BIVM: variants seen among roughly 807,000 people sequenced by gnomAD.
The protein encoded by BIVM is basic, immunoglobulin-like variable motif containing.
BIVM carries 31 observed loss-of-function variants against 61.4 expected under a neutral mutation model. That is an observed-to-expected ratio of 0.51 (90% CI 0.38 to 0.68). BIVM has a LOEUF of 0.68. Ranked by LOEUF, BIVM falls within the 30% of genes least tolerant of loss-of-function variation. BIVM has a pLI of 0.00. For missense variants in BIVM, 526 were observed against 596.0 expected (o/e 0.88, Z 1.22); for synonymous variants, 189 against 210.7 (o/e 0.90, Z 0.89).
At chr13:102,808,751 A>G (rs1879278072) in intron 3 of BIVM, among the ~76,000 whole-genome samples, 1 of 152,046 alleles carries the variant, frequency 6.6e-6, no homozygotes, top group African/African-American at 2.4e-5. Flanking sequence ...ATCTGTATTT[A>G]TAATTATGGA....
At chr13:102,833,165 G>A (rs1566455737) in intron 8 of BIVM, among the ~76,000 whole-genome samples, 2 of 151,688 alleles carry the variant, frequency 1.3e-5, no homozygotes, top group Non-Finnish European at 2.9e-5. Flanking sequence ...AGGCTGAGAC[G>A]GGAGGATCGC....
intron 7 of BIVM, among the ~76,000 whole-genome samples, chr13:102,827,041 G>T (rs1880720594): frequency 6.6e-6 from 1 of 152,012 alleles, no homozygotes; most frequent in African/African-American, 2.4e-5. Context: ...TCACTATTCT[G>T]GAATTTTAAA....
rs1878822570 is a variant in BIVM at position 102,802,748 on chromosome 13, T to C, written c.-206-2559T>C. 4.7e-5 allele frequency among the ~76,000 whole-genome samples: 4 copies of C among 85,520 alleles called. No individual in the cohort carries two copies. In the South Asian group the frequency reaches 1.2e-3, roughly 26 times the overall value. The allele number at this position is 85,520 out of a possible 152,430, so 56.1% of individuals were successfully genotyped here. A position where few individuals can be genotyped will look rare whatever the true frequency, so the allele number is the denominator to read the frequency against. Reference sequence around the variant, plus strand: ...CTGTTACTTTTTTCTCTCTTTCCTTTTTTTTTTTTTTTTTTGAGACAGAGT... The same window carrying C: ...CTGTTACTTTTTTCTCTCTTTCCTTCTTTTTTTTTTTTTTTGAGACAGAGT... On this transcript the variant is annotated intron_variant, in intron 1 of 10. Transcript: ENST00000257336.
At chr13:102,825,941 A>G (rs112573655) in intron 7 of BIVM, among the ~76,000 whole-genome samples, 1,856 of 152,252 alleles carry the variant, frequency 0.012, 31 homozygotes, top group African/African-American at 0.041. Context: ...GTATGGTTTC[A>G]TGCAGAAAAA....
At chr13:102,802,019 A>T (rs9514058) in intron 1 of BIVM, among the ~76,000 whole-genome samples, 96,217 of 152,148 alleles carry the variant, frequency 0.63, 33,579 homozygotes, top group Non-Finnish European at 0.78. Context: ...AGGGACCATC[A>T]GGAGTTGGCC....
At chr13:102,838,986 A>G (rs1881664716) in intron 10 of BIVM, among the ~76,000 whole-genome samples, 1 of 151,898 alleles carries the variant, frequency 6.6e-6, no homozygotes, top group Non-Finnish European at 1.5e-5. Flanking sequence ...AGTCTGCTTC[A>G]CTCTTTTGGG....
chr13:102,824,658 G>A (rs1217981482), intron 7 of BIVM, among the ~76,000 whole-genome samples: 1 of 152,200 alleles, frequency 6.6e-6, no homozygotes, highest in Non-Finnish European at 1.5e-5. Context: ...AATGGATATG[G>A]TGGTGTCCTG....
chr13:102,831,511 G>C, intron 7 of BIVM, 54 bp from the exon 8 acceptor site: 2 of 1,610,366 alleles, frequency 1.2e-6, no homozygotes, highest in South Asian at 2.2e-5. Context: ...TTTGTGTAAA[G>C]CATGGACACT....
At chr13:102,821,672 A>T in intron 5 of BIVM, 71 bp from the exon 6 acceptor site, 2 of 1,314,488 alleles carry the variant, frequency 1.5e-6, no homozygotes, top group Non-Finnish European at 2.1e-6. Flanking sequence ...AAGCATATTA[A>T]CATTGAGACA....
chr13:102,826,798 G>A (rs1206371242), intron 7 of BIVM, among the ~76,000 whole-genome samples: 1 of 152,080 alleles, frequency 6.6e-6, no homozygotes, highest in African/African-American at 2.4e-5. Flanking sequence ...GTATCTAGAT[G>A]GAGTGAGAGG....
chr13:102,830,250 G>A (rs1043498624), intron 7 of BIVM, among the ~76,000 whole-genome samples: 3 of 152,112 alleles, frequency 2.0e-5, no homozygotes, highest in African/African-American at 7.2e-5. Context: ...GAGGGACCGT[G>A]CATCACTCCT....
At chr13:102,804,255 C>T (rs1318011423) in intron 1 of BIVM, among the ~76,000 whole-genome samples, 1 of 152,186 alleles carries the variant, frequency 6.6e-6, no homozygotes, top group Non-Finnish European at 1.5e-5. Context: ...TCAAGCAATT[C>T]TGCCTCAGCC....
intron 8 of BIVM, among the ~76,000 whole-genome samples, chr13:102,831,931 G>C (rs779480420): frequency 8.0e-5 from 12 of 149,534 alleles, no homozygotes; most frequent in South Asian, 4.2e-4. Flanking sequence ...TGTAGTCCCA[G>C]CTACTCGGGA....
intron 4 of BIVM, chr13:102,820,342 ACT>A (rs1426652717): frequency 4.6e-5 from 6 of 131,248 alleles, no homozygotes; most frequent in African/African-American, 1.8e-4. Context: ...ACAGAGTGAG[ACT>A]CTGTCTCAAA....
intron 7 of BIVM, among the ~76,000 whole-genome samples, chr13:102,825,328 C>T (rs977501033): frequency 7.2e-5 from 11 of 151,916 alleles, no homozygotes; most frequent in Middle Eastern, 3.4e-3. Flanking sequence ...GAACTCCTGG[C>T]CTTAAGTGAT....
rs778621504 is a variant in BIVM at position 102,807,742 on chromosome 13, T to C, written c.475T>C (p.Ser159Pro). The change falls in exon 3 of 11, where the codon TCA becomes CCA. Residue 159 changes from serine to proline, a missense_variant. Around this residue, in one of 3 missense-constraint regions of BIVM, gnomAD observed 312 missense variants for 343.8 expected, o/e 0.91. Transcript: ENST00000257336. This position sits in a 1 kb window ranked among gnomAD's most constrained non-coding sequence, Gnocchi z 4.0. ...DGVTTNSKHK[S>P]GNAKKQVSKR... ...GGTGACCACAAATTCGAAACACAAA[T>C]CAGGTAAGGAGGGAGCCATGAAGTT... 4 of 1,607,076 alleles carry C rather than the reference T, an allele frequency of 2.5e-6. No homozygotes were observed. Among genetic ancestry groups the C allele is most frequent in the Non-Finnish European group, 3.4e-6 (4 of 1,176,630 alleles).
At chr13:102,809,952 C>CT (rs1056070596) in intron 3 of BIVM, among the ~76,000 whole-genome samples, 4 of 152,016 alleles carry the variant, frequency 2.6e-5, no homozygotes, top group African/African-American at 9.7e-5. Context: ...TGCCCGGCTA[C>CT]TTTTTTGTAT....
chr13:102,821,970 C>A, intron 6 of BIVM, 95 bp from the exon 7 acceptor site: 1 of 1,535,740 alleles, frequency 6.5e-7, no homozygotes, highest in South Asian at 1.2e-5. Context: ...ATAGGTATAC[C>A]AACTTTGGGC....
At chr13:102,809,787 C>CTTTTTTTTTTTTTTTTT (rs71292825) in intron 3 of BIVM, among the ~76,000 whole-genome samples, 1 of 127,304 alleles carries the variant, frequency 7.9e-6, no homozygotes. Flanking sequence ...TCTTTTCTTT[C>CTTTTTTTTTTTTTTTTT]TTTTTTTTTT....
Sources: gnomAD v4.1 joint callset for allele counts (sites outside exome capture counted in the v4.1 genomes callset) on GRCh38, gnomAD v4.1.1 for gene constraint, gnomAD v4.1.1 regional missense constraint, Gnocchi (gnomAD v3.1) non-coding constraint, MANE v1.5 for transcripts, NCBI Gene and HGNC (gene_info 2026-07-23, HGNC 2026-07-21) for gene names.